The following ST6GALNAC3 variants were observed in gnomAD, a reference collection of about 807,000 sequenced individuals.
The protein encoded by ST6GALNAC3 is alpha-N-acetylgalactosaminide alpha-2,6-sialyltransferase 3.
A neutral mutation model predicts 32.7 loss-of-function variants in ST6GALNAC3; 25 were observed. The ratio of observed to expected loss-of-function variants is 0.76; its 90% CI spans 0.56 to 1.07. ST6GALNAC3 has a LOEUF of 1.07. ST6GALNAC3 is among the 50% of genes least tolerant of loss of function. The pLI, the probability that ST6GALNAC3 is intolerant of heterozygous loss-of-function variation, is 0.00. For synonymous variants in ST6GALNAC3, 129 were observed against 133.1 expected, an observed-to-expected ratio of 0.97 and a Z score of 0.21; for missense variants, 355 against 382.4, an observed-to-expected ratio of 0.93 and a Z score of 0.60.
intron 3 of ST6GALNAC3, among the ~76,000 whole-genome samples, chr1:76,443,143 T>G (rs1200167812): frequency 6.6e-6 from 1 of 152,158 alleles, no homozygotes; most frequent in African/African-American, 2.4e-5. Context: ...TTCTGTTTTT[T>G]TTGTTGTTGT....
chr1:76,547,255 A>G (rs1009386758), intron 3 of ST6GALNAC3, among the ~76,000 whole-genome samples: 1 of 152,234 alleles, frequency 6.6e-6, no homozygotes, highest in African/African-American at 2.4e-5. Flanking sequence ...CCGAAAACAC[A>G]TTAAAAAATC....
intron 1 of ST6GALNAC3, among the ~76,000 whole-genome samples, chr1:76,293,596 A>T (rs1037187814): frequency 1.3e-5 from 2 of 152,196 alleles, no homozygotes; most frequent in African/African-American, 4.8e-5. Context: ...CCTGTTTATC[A>T]TAGCTGCCAG....
At chr1:76,473,249 G>T (rs1457884578) in intron 3 of ST6GALNAC3, among the ~76,000 whole-genome samples, 2 of 152,130 alleles carry the variant, frequency 1.3e-5, no homozygotes, top group Admixed American at 6.6e-5. Flanking sequence ...TCACACAGCA[G>T]TAACTCCTAG....
At chr1:76,512,381 A>G (rs1557510690) in intron 3 of ST6GALNAC3, among the ~76,000 whole-genome samples, 1 of 152,202 alleles carries the variant, frequency 6.6e-6, no homozygotes, top group Non-Finnish European at 1.5e-5. Flanking sequence ...GTTAGTAGAT[A>G]AAATTAAAAT....
intron 3 of ST6GALNAC3, among the ~76,000 whole-genome samples, chr1:76,491,846 A>G (rs1398862150): frequency 6.6e-6 from 1 of 152,160 alleles, no homozygotes; most frequent in Non-Finnish European, 1.5e-5. Context: ...CAAACCTTTT[A>G]TATCCTCAGT....
chr1:76,560,867 A>G (rs1014003818), intron 3 of ST6GALNAC3, among the ~76,000 whole-genome samples: 10 of 152,236 alleles, frequency 6.6e-5, no homozygotes, highest in Admixed American at 6.5e-4. Context: ...CAGTAAATCA[A>G]AGAGATATCT....
chr1:76,270,839 G>A (rs1658803186), intron 1 of ST6GALNAC3, among the ~76,000 whole-genome samples: 1 of 152,200 alleles, frequency 6.6e-6, no homozygotes, highest in Non-Finnish European at 1.5e-5. Context: ...TCCAAAAGCT[G>A]TTGTAAGCAG....
chr1:76,482,165 C>CAG (rs946234895), intron 3 of ST6GALNAC3, among the ~76,000 whole-genome samples: 6 of 151,828 alleles, frequency 4.0e-5, no homozygotes, highest in African/African-American at 1.5e-4. Context: ...CACACACACA[C>CAG]ACATGCACTT....
chr1:76,289,990 A>G (rs966569056), intron 1 of ST6GALNAC3, among the ~76,000 whole-genome samples: 3 of 152,242 alleles, frequency 2.0e-5, no homozygotes, highest in Admixed American at 6.5e-5. Context: ...AAAAGTTCAC[A>G]TCTACCCAGG....
intron 2 of ST6GALNAC3, among the ~76,000 whole-genome samples, chr1:76,364,930 G>T (rs182340462): frequency 1.5e-4 from 23 of 152,240 alleles, no homozygotes; most frequent in Admixed American, 1.2e-3. Flanking sequence ...ACTTCTCAAA[G>T]AACTAAAAAT....
chr1:76,162,418 G>A (rs1651869375), intron 1 of ST6GALNAC3, among the ~76,000 whole-genome samples: 1 of 152,196 alleles, frequency 6.6e-6, no homozygotes, highest in Admixed American at 6.5e-5. Flanking sequence ...ATGACCTAAT[G>A]ATTAATAACA....
intron 1 of ST6GALNAC3, among the ~76,000 whole-genome samples, chr1:76,309,488 C>T (rs771028994): frequency 6.6e-6 from 1 of 152,126 alleles, no homozygotes. Context: ...TCTGTCTCAT[C>T]CATGGTTTTC....
At chr1:76,151,751 G>A in intron 1 of ST6GALNAC3, among the ~76,000 whole-genome samples, 1 of 152,180 alleles carries the variant, frequency 6.6e-6, no homozygotes, top group Non-Finnish European at 1.5e-5. Flanking sequence ...CTGTTACAAT[G>A]AAGGCTGAGG....
intron 3 of ST6GALNAC3, among the ~76,000 whole-genome samples, chr1:76,481,186 T>G (rs1659698706): frequency 6.6e-6 from 1 of 152,194 alleles, no homozygotes; most frequent in Non-Finnish European, 1.5e-5. Context: ...GTGCTATTAT[T>G]TTAAATCCAC....
At chr1:76,136,421 A>G (rs1649952838) in intron 1 of ST6GALNAC3, among the ~76,000 whole-genome samples, 1 of 152,204 alleles carries the variant, frequency 6.6e-6, no homozygotes, top group African/African-American at 2.4e-5. Flanking sequence ...TCATCTAGTC[A>G]TCTTTGACAA....
chr1:76,255,852 A>T (rs1657890169), intron 1 of ST6GALNAC3, among the ~76,000 whole-genome samples: 1 of 152,176 alleles, frequency 6.6e-6, no homozygotes, highest in African/African-American at 2.4e-5. Context: ...ATGAAAGAAA[A>T]GGGCAATATA....
At chr1:76,309,050 C>T (rs1412125238) in intron 1 of ST6GALNAC3, among the ~76,000 whole-genome samples, 2 of 152,104 alleles carry the variant, frequency 1.3e-5, no homozygotes, top group African/African-American at 2.4e-5. Flanking sequence ...TTGGCGAGGC[C>T]GCCGCGGTCC....
chr1:76,467,315 G>A (rs7550651), intron 3 of ST6GALNAC3, among the ~76,000 whole-genome samples: 51,709 of 151,810 alleles, frequency 0.34, 13,287 homozygotes, highest in African/African-American at 0.73. Context: ...AGTGGCGTAA[G>A]TAGGCTTTTT....
intron 3 of ST6GALNAC3, among the ~76,000 whole-genome samples, chr1:76,549,793 C>T (rs1323285140): frequency 2.0e-5 from 3 of 152,136 alleles, no homozygotes; most frequent in Non-Finnish European, 2.9e-5. Context: ...ACAGTTGTGC[C>T]AACTGATGCT....
Sources: allele counts gnomAD v4.1 joint callset (sites outside exome capture counted in the v4.1 genomes callset), GRCh38; gene constraint gnomAD v4.1.1; transcripts MANE v1.5; gene names NCBI Gene and HGNC (gene_info 2026-07-23, HGNC 2026-07-21).